NOSTRIN: variants seen among roughly 807,000 people sequenced by gnomAD.
The protein encoded by NOSTRIN is BM247 homolog.
Under a neutral mutation model 59.0 loss-of-function variants are expected in NOSTRIN, and 63 were observed. That is an observed-to-expected ratio of 1.07 (90% CI 0.87 to 1.32). The LOEUF (loss-of-function observed/expected upper bound fraction) is 1.32. NOSTRIN is among the 40% of genes most tolerant of loss of function. NOSTRIN has a pLI of 0.00. For synonymous variants in NOSTRIN, 200 were observed against 165.4 expected (o/e 1.21, Z -1.61); for missense variants, 512 against 473.1 (o/e 1.08, Z -0.76).
chr2:168,859,572 G>T lies in NOSTRIN; in HGVS notation c.1114G>T (p.Glu372Ter), dbSNP rs377246627. 2 of 1,614,122 alleles carry T rather than the reference G, an allele frequency of 1.2e-6. No homozygotes were observed. The highest frequency in any genetic ancestry group is 1.7e-5 in the Admixed American group (1 of 60,014). The stretch of plus-strand genomic sequence containing the variant: ...CTACAAACTGTCATCAATGTTAGCA[G>T]AACTTGAGCAAAGACCTCAACCCAG... ...NSYKLSSMLA[E>*]LEQRPQPSHP... Residue 372 changes from glutamate to a stop codon, truncating the protein, a stop_gained, in exon 13 of 16, where the codon GAA becomes TAA. Transcript: ENST00000317647. LOFTEE classifies it high-confidence loss of function.
intron 10 of NOSTRIN, among the ~76,000 whole-genome samples, chr2:168,854,861 A>T (rs1262759406): frequency 1.3e-5 from 2 of 152,070 alleles, no homozygotes; most frequent in African/African-American, 2.4e-5. Context: ...TAAATCATAA[A>T]CCCATTCTGG....
chr2:168,852,600 G>A (rs1166801543), intron 10 of NOSTRIN, among the ~76,000 whole-genome samples: 15 of 152,144 alleles, frequency 9.9e-5, no homozygotes, highest in Admixed American at 9.8e-4. Flanking sequence ...TCTCCGATAT[G>A]GAGAACAAGC....
intron 13 of NOSTRIN, 75 bp downstream of exon 13, chr2:168,859,712 C>CA: frequency 6.6e-7 from 1 of 1,525,104 alleles, no homozygotes. Flanking sequence ...AGCATCAGGG[C>CA]AAAAAAGGTG....
upstream of NOSTRIN, chr2:168,798,236 A>G (rs1685533884): frequency 6.6e-6 from 1 of 152,204 alleles, no homozygotes; most frequent in Non-Finnish European, 1.5e-5. Context: ...TGTCCTTTAA[A>G]TGTGGGCTCA....
intron 1 of NOSTRIN, among the ~76,000 whole-genome samples, chr2:168,803,341 A>G (rs902301249): frequency 6.6e-6 from 1 of 152,072 alleles, no homozygotes; most frequent in African/African-American, 2.4e-5. Flanking sequence ...AAAGGGGGGG[A>G]TATGTTTACT....
chr2:168,862,868 C>T (rs1376720126), intron 15 of NOSTRIN, among the ~76,000 whole-genome samples: 1 of 152,048 alleles, frequency 6.6e-6, no homozygotes, highest in African/African-American at 2.4e-5. Flanking sequence ...GAATATTATC[C>T]ACGACAAGGA....
At chr2:168,842,950 A>C (rs1688188167) in intron 7 of NOSTRIN, 42 bp from the exon 8 acceptor site, 1 of 858,204 alleles carries the variant, frequency 1.2e-6, no homozygotes, top group Admixed American at 1.8e-5. Context: ...AGGGCTTTCA[A>C]AAATGTGTTA....
chr2:168,800,910 TA>T (rs71997437), upstream of NOSTRIN, among the ~76,000 whole-genome samples: 1 of 137,912 alleles, frequency 7.3e-6, no homozygotes. Context: ...AAATTTCTTT[TA>T]AAAAAAAAAC....
intron 3 of NOSTRIN, among the ~76,000 whole-genome samples, chr2:168,827,057 T>A (rs1265813511): frequency 1.3e-5 from 2 of 152,216 alleles, no homozygotes; most frequent in African/African-American, 4.8e-5. Context: ...GTTCTCTTAT[T>A]CTTAGACTGC....
At chr2:168,806,082 G>A (rs1005750636) in intron 1 of NOSTRIN, among the ~76,000 whole-genome samples, 6 of 152,166 alleles carry the variant, frequency 3.9e-5, no homozygotes, top group Non-Finnish European at 8.8e-5. Context: ...CTACGCAGAT[G>A]GTGAACAAGT....
upstream of NOSTRIN, chr2:168,801,015 G>C (rs1211555253): frequency 6.6e-6 from 1 of 151,690 alleles, no homozygotes; most frequent in African/African-American, 2.4e-5. Context: ...AAAGTGCTAA[G>C]ATTACAGGTG....
intron 14 of NOSTRIN, 61 bp from the exon 15 acceptor site, chr2:168,861,899 T>C: frequency 6.8e-7 from 1 of 1,465,356 alleles, no homozygotes; most frequent in African/African-American, 1.4e-5. Context: ...ACCAAAGAGC[T>C]TCAGCTCATA....
At chr2:168,818,254 C>G (rs830024) in intron 2 of NOSTRIN, 299,898 of 426,404 alleles carry the variant, frequency 0.7, 107,263 homozygotes, top group East Asian at 0.88. Context: ...CCTGTGCTCG[C>G]GAACTCCTCT....
At position 168,860,825 on chromosome 2, in the gene NOSTRIN, C is replaced by A; in HGVS notation, c.1210C>A (p.Arg404=). The A allele has an allele frequency of 6.2e-7, 1 of 1,613,102 alleles. No individual in the cohort carries two copies. The highest frequency in any genetic ancestry group is 1.1e-5 in the South Asian group (1 of 91,028). ...TACTCATAGCTATGTGAAAATATCT[C>A]GGCCTTTTTTAATGAAGAGATTAGA... ...EHTHSYVKIS[R]PFLMKRLENI... The change falls in exon 14 of 16, where the codon CGG becomes AGG. Residue 404 remains arginine (R), a synonymous_variant. Transcript: ENST00000317647.
rs780177942 is a variant in NOSTRIN at position 168,855,345 on chromosome 2, C to T, written c.856-7C>T. 1.3e-6 allele frequency: 2 copies of T among 1,489,392 alleles called. No individual in the cohort carries two copies. Among genetic ancestry groups the T allele is most frequent in the Admixed American group, 1.9e-5 (1 of 52,808 alleles). 92.3% of individuals were successfully genotyped at this position (1,489,392 alleles called of 1,614,324 possible). A position where few individuals can be genotyped will look rare whatever the true frequency, so the allele number is the denominator to read the frequency against. On this transcript the variant is annotated splice_polypyrimidine_tract_variant and splice_region_variant and intron_variant, in intron 10 of 15. Transcript: ENST00000317647. ...CCCTTGTTAGACATCCTTCTTTTTT[C>T]CTAAAGGAAGAAGATCCTAACAGTG...
At chr2:168,850,910 C>T (rs950568165) in intron 8 of NOSTRIN, 174 bp from the exon 9 acceptor site, 5 of 798,660 alleles carry the variant, frequency 6.3e-6, no homozygotes, top group Non-Finnish European at 1.1e-5. Flanking sequence ...ATTTAAGATA[C>T]CAAGACACAT....
intron 2 of NOSTRIN, among the ~76,000 whole-genome samples, chr2:168,822,165 G>C (rs1021916703): frequency 1.3e-5 from 2 of 152,134 alleles, no homozygotes; most frequent in Non-Finnish European, 2.9e-5. Flanking sequence ...CTATTTTTAA[G>C]TGCGATGAGA....
intron 2 of NOSTRIN, among the ~76,000 whole-genome samples, chr2:168,824,382 T>C (rs1204598193): frequency 6.6e-6 from 1 of 152,014 alleles, no homozygotes; most frequent in Non-Finnish European, 1.5e-5. Flanking sequence ...CATTGTAACA[T>C]CCTCTTCCCA....
intron 2 of NOSTRIN, among the ~76,000 whole-genome samples, chr2:168,824,086 A>C (rs1052391298): frequency 6.6e-6 from 1 of 152,178 alleles, no homozygotes; most frequent in African/African-American, 2.4e-5. Context: ...AAAACAAAAA[A>C]CAAAAAAACA....
Sources: gnomAD v4.1 joint callset for allele counts (sites outside exome capture counted in the v4.1 genomes callset) on GRCh38, gnomAD v4.1.1 for gene constraint, MANE v1.5 for transcripts, NCBI Gene and HGNC (gene_info 2026-07-23, HGNC 2026-07-21) for gene names.